The following TEAD1 variants were observed in gnomAD, a reference collection of about 807,000 sequenced individuals.
The protein encoded by TEAD1 is transcriptional enhancer factor TEF-1.
A neutral mutation model predicts 54.9 loss-of-function variants in TEAD1; 9 were observed. The ratio of observed to expected loss-of-function variants is 0.16; its 90% CI spans 0.10 to 0.29. The LOEUF (loss-of-function observed/expected upper bound fraction) is 0.29, where lower values mean the gene tolerates loss of function less well. Ranked by LOEUF, TEAD1 falls within the 10% of genes least tolerant of loss-of-function variation. TEAD1 has a pLI of 1.00. For synonymous variants in TEAD1, 200 were observed against 187.8 expected, an observed-to-expected ratio of 1.07 and a Z score of -0.53; for missense variants, 387 against 535.9, an observed-to-expected ratio of 0.72 and a Z score of 2.74.
chr11:12,693,820 C>T (rs150124192), intron 2 of TEAD1, among the ~76,000 whole-genome samples: 87 of 152,310 alleles, frequency 5.7e-4, no homozygotes, highest in Admixed American at 9.8e-4. Context: ...TGAGATGAGT[C>T]AGTTCCTGAA....
chr11:12,706,959 C>T (rs1943829355), intron 2 of TEAD1, among the ~76,000 whole-genome samples: 1 of 152,100 alleles, frequency 6.6e-6, no homozygotes, highest in South Asian at 2.1e-4. Context: ...ATCTCCTGAC[C>T]TTGACTAGCA....
At chr11:12,712,331 T>C (rs562325718) in intron 2 of TEAD1, among the ~76,000 whole-genome samples, 28 of 152,304 alleles carry the variant, frequency 1.8e-4, no homozygotes, top group Non-Finnish European at 3.2e-4. Flanking sequence ...TCTGGAATCT[T>C]TGCTGGCATT....
chr11:12,757,176 C>T (rs992285659), intron 2 of TEAD1, among the ~76,000 whole-genome samples: 10 of 152,166 alleles, frequency 6.6e-5, no homozygotes, highest in African/African-American at 1.2e-4. Context: ...GTGCTCGTCC[C>T]GTTGCCACTG....
chr11:12,679,238 C>T (rs1003052859), intron 2 of TEAD1, among the ~76,000 whole-genome samples: 3 of 152,224 alleles, frequency 2.0e-5, no homozygotes, highest in South Asian at 2.1e-4. Flanking sequence ...ACACCCACCC[C>T]GCCTTGTTTA....
intron 3 of TEAD1, among the ~76,000 whole-genome samples, chr11:12,824,459 A>G (rs1946611480): frequency 6.6e-6 from 1 of 152,206 alleles, no homozygotes; most frequent in Non-Finnish European, 1.5e-5. Flanking sequence ...GGGAATCTAA[A>G]CTTTCACCTT....
chr11:12,844,638 A>G (rs1947103480), intron 3 of TEAD1, among the ~76,000 whole-genome samples: 1 of 152,162 alleles, frequency 6.6e-6, no homozygotes, highest in Non-Finnish European at 1.5e-5. Context: ...TCAGAGTGCC[A>G]GATCAACCCC....
At chr11:12,849,580 C>T (rs6486066) in intron 3 of TEAD1, 97,415 of 152,064 alleles carry the variant, frequency 0.64, 32,840 homozygotes, top group East Asian at 0.77. Context: ...TGACTTAATG[C>T]TTGCATAACT....
intron 2 of TEAD1, among the ~76,000 whole-genome samples, chr11:12,727,047 C>T (rs1944327160): frequency 6.6e-6 from 1 of 151,630 alleles, no homozygotes; most frequent in African/African-American, 2.4e-5. Flanking sequence ...CAAGACCAGC[C>T]AGGTCAACAT....
Position 12,907,033 on chromosome 11 carries a change from G to A in TEAD1, c.873+4920G>A, listed in dbSNP as rs573223128. Among the ~76,000 whole-genome samples, 10 of 152,166 alleles carry A rather than the reference G, an allele frequency of 6.6e-5. No individual in the cohort carries two copies. In the East Asian group the frequency reaches 1.9e-3, roughly 29 times the overall value. On this transcript the variant is annotated intron_variant, in intron 10 of 12. Transcript: ENST00000527636. ...GAGCTACCTAGGAGTGGAATTGCTG[G>A]GTCCTACGGTAACTCTATGTTTAAC...
chr11:12,880,728 G>C (rs1947947715), intron 6 of TEAD1, among the ~76,000 whole-genome samples: 1 of 152,262 alleles, frequency 6.6e-6, no homozygotes, highest in Non-Finnish European at 1.5e-5. Flanking sequence ...AGCACGCGCA[G>C]ATCTTTGCTT....
intron 2 of TEAD1, among the ~76,000 whole-genome samples, chr11:12,748,484 G>T (rs866206075): frequency 1.1e-4 from 16 of 152,298 alleles, no homozygotes; most frequent in Non-Finnish European, 1.3e-4. Context: ...AAGGCCAGGG[G>T]TCTCATAATG....
chr11:12,734,929 C>T (rs1944497926), intron 2 of TEAD1, among the ~76,000 whole-genome samples: 1 of 152,154 alleles, frequency 6.6e-6, no homozygotes, highest in South Asian at 2.1e-4. Context: ...AACACACAAA[C>T]ACACCGCCAT....
chr11:12,863,416 G>GT lies in TEAD1; in HGVS notation c.267+1103dup, dbSNP rs776720742. On this transcript the variant is annotated intron_variant, in intron 4 of 12. Coordinates refer to ENST00000527636, the MANE Select transcript of TEAD1 (RefSeq NM_021961.6). ...AAGAACAAAATTCGGGTGAAAACAA[G>GT]TAACAGCAGGAGCCAGATGGAGGGC... Among the ~76,000 whole-genome samples the GT allele has an allele frequency of 8.5e-5, 13 of 152,280 alleles. No homozygotes were observed. The East Asian group carries it at 2.5e-3, about 29-fold the overall frequency.
At chr11:12,764,018 A>T (rs192441334) in intron 2 of TEAD1, among the ~76,000 whole-genome samples, 161 bp from the exon 3 acceptor site, 95 of 152,314 alleles carry the variant, frequency 6.2e-4, no homozygotes, top group Admixed American at 2.3e-3. Context: ...ACCACTAAAG[A>T]ACTTAACCGT....
At chr11:12,858,867 G>C (rs990780104) in intron 3 of TEAD1, among the ~76,000 whole-genome samples, 2 of 152,210 alleles carry the variant, frequency 1.3e-5, no homozygotes, top group African/African-American at 4.8e-5. Flanking sequence ...AAATCGTCAA[G>C]TGTACTTACA....
intron 3 of TEAD1, chr11:12,848,899 A>G (rs1333013072): frequency 2.6e-5 from 4 of 152,092 alleles, no homozygotes; most frequent in Admixed American, 1.3e-4. Context: ...GCACTGAGTC[A>G]TGATCACACC....
At chr11:12,813,483 C>G (rs1417945070) in intron 3 of TEAD1, among the ~76,000 whole-genome samples, 2 of 152,148 alleles carry the variant, frequency 1.3e-5, no homozygotes, top group African/African-American at 4.8e-5. Flanking sequence ...AATAACATTT[C>G]CCATACTTCA....
At chr11:12,915,169 T>C (rs529809489) in intron 10 of TEAD1, among the ~76,000 whole-genome samples, 49 of 152,298 alleles carry the variant, frequency 3.2e-4, no homozygotes, top group African/African-American at 1.2e-3. Flanking sequence ...GTGCCCCTGC[T>C]GTCCCCCTGC....
chr11:12,803,170 C>T (rs1405332637), intron 3 of TEAD1, among the ~76,000 whole-genome samples: 1 of 150,946 alleles, frequency 6.6e-6, no homozygotes, highest in Non-Finnish European at 1.5e-5. Context: ...GAGGATTTTT[C>T]CCCCCTTTCC....
Sources: allele counts gnomAD v4.1 joint callset (sites outside exome capture counted in the v4.1 genomes callset), GRCh38; gene constraint gnomAD v4.1.1; transcripts MANE v1.5; gene names NCBI Gene and HGNC (gene_info 2026-07-23, HGNC 2026-07-21).